CHDH: variants seen among roughly 807,000 people sequenced by gnomAD.
The protein encoded by CHDH is choline dehydrogenase, mitochondrial.
Under a neutral mutation model 56.9 loss-of-function variants are expected in CHDH, and 43 were observed. The observed-to-expected ratio is 0.76, with a 90% CI of 0.59 to 0.97. The LOEUF is 0.97. Among genes scored for constraint, CHDH ranks in the 50% least tolerant of loss-of-function variants. The pLI is 0.00. For synonymous variants in CHDH, 364 were observed against 348.5 expected, an observed-to-expected ratio of 1.04 and a Z score of -0.50; for missense variants, 816 against 821.1, an observed-to-expected ratio of 0.99 and a Z score of 0.08.
chr3:53,838,371 C>T (rs1698570903), intron 2 of CHDH, among the ~76,000 whole-genome samples: 1 of 152,160 alleles, frequency 6.6e-6, no homozygotes, highest in Admixed American at 6.5e-5. Context: ...CAGGCTGGCC[C>T]CTGAGGAAGA....
intron 2 of CHDH, among the ~76,000 whole-genome samples, chr3:53,831,417 G>C (rs931374203): frequency 6.6e-6 from 1 of 152,252 alleles, no homozygotes; most frequent in Non-Finnish European, 1.5e-5. Context: ...TGTGAATACA[G>C]GCGGTAGCCA....
chr3:53,823,142 C>A (rs1658922520), intron 3 of CHDH, among the ~76,000 whole-genome samples, 164 bp downstream of exon 3: 1 of 152,160 alleles, frequency 6.6e-6, no homozygotes, highest in African/African-American at 2.4e-5. Flanking sequence ...GGGTTGTACT[C>A]TTGGAGGGGT....
intron 2 of CHDH, among the ~76,000 whole-genome samples, chr3:53,826,786 T>C (rs2095639819): frequency 6.6e-6 from 1 of 152,158 alleles, no homozygotes; most frequent in South Asian, 2.1e-4. Context: ...AAGGTACAGA[T>C]TGGGAAGGAA....
At chr3:53,832,661 T>G (rs565647501) in intron 2 of CHDH, among the ~76,000 whole-genome samples, 1 of 152,312 alleles carries the variant, frequency 6.6e-6, no homozygotes. Flanking sequence ...TGGCTGGACC[T>G]TGAAAGCATT....
At chr3:53,818,216 G>T in intron 8 of CHDH, 21 bp from the exon 9 acceptor site, 1 of 1,571,818 alleles carries the variant, frequency 6.4e-7, no homozygotes, top group Admixed American at 1.8e-5. Flanking sequence ...GAAGAAACAG[G>T]TGAGGACCCC....
chr3:53,833,362 G>A (rs1698398041), intron 2 of CHDH, among the ~76,000 whole-genome samples: 1 of 152,158 alleles, frequency 6.6e-6, no homozygotes, highest in African/African-American at 2.4e-5. Context: ...ACACAAGGGA[G>A]GGGCCTGCTA....
At position 53,819,216 on chromosome 3, in the gene CHDH, AG is replaced by A. The variant is rs1453775022; in HGVS notation, c.1264-177del. Among the ~76,000 whole-genome samples, 5 of 152,302 alleles carry A rather than the reference AG, an allele frequency of 3.3e-5. No homozygotes were observed. The East Asian group carries it at 9.7e-4, about 29-fold the overall frequency. ...CCACGAGTGATTACAGACCACCTCA[AG>A]GAATCACTCTTTCATCCTGGCCTCA... On this transcript the variant is annotated intron_variant, in intron 7 of 8. Transcript: ENST00000315251. The surrounding 1 kb of genome is among the most constrained non-coding windows in gnomAD (Gnocchi z 5.4).
chr3:53,846,392 C>T lies in CHDH; in HGVS notation c.-440G>A. The T allele has an allele frequency of 3.7e-6, 2 of 533,530 alleles. No individual in the cohort carries two copies. Among genetic ancestry groups the T allele is most frequent in the Non-Finnish European group, 6.3e-6 (2 of 316,300 alleles). 33.0% of individuals were successfully genotyped at this position (533,530 alleles called of 1,614,324 possible). ...GTGCTCCGCCAGCGCTCGGACACGG[C>T]CCATCCCTCCGAGCCCCAGCAGGCG... On this transcript the variant is annotated 5_prime_UTR_variant, in exon 1 of 9. Coordinates refer to ENST00000315251, the MANE Select transcript of CHDH (RefSeq NM_018397.5).
Position 53,816,139 on chromosome 3 carries a change from C to CT in CHDH, c.*1637_*1638insA. On this transcript the variant is annotated 3_prime_UTR_variant, in exon 9 of 9. Coordinates refer to ENST00000315251, the MANE Select transcript of CHDH (RefSeq NM_018397.5). ...TAACTTGTGGCTGTCGGACGCCCCCCCCCCCCGCCCCAGTCTGTAAGCCGC... is the reference window on the plus strand; with the variant it reads ...TAACTTGTGGCTGTCGGACGCCCCCCTCCCCCCGCCCCAGTCTGTAAGCCGC... 8.4e-6 allele frequency: 1 copy of CT among 118,792 alleles called. No homozygotes were observed. Among genetic ancestry groups the CT allele is most frequent in the East Asian group, 2.6e-4 (1 of 3,820 alleles). 7.4% of individuals were successfully genotyped at this position (118,792 alleles called of 1,614,324 possible).
At chr3:53,839,194 G>A (rs1014335142) in intron 2 of CHDH, among the ~76,000 whole-genome samples, 2 of 152,162 alleles carry the variant, frequency 1.3e-5, no homozygotes, top group African/African-American at 4.8e-5. Flanking sequence ...GGGTCTGAAC[G>A]GGAGAATGCA....
intron 2 of CHDH, among the ~76,000 whole-genome samples, chr3:53,826,193 AG>A (rs2095638764): frequency 6.6e-6 from 1 of 152,144 alleles, no homozygotes; most frequent in African/African-American, 2.4e-5. Flanking sequence ...CAACCATTTA[AG>A]GAAGAAATTA....
At chr3:53,832,882 G>A (rs960007236) in intron 2 of CHDH, among the ~76,000 whole-genome samples, 8 of 152,200 alleles carry the variant, frequency 5.3e-5, no homozygotes, top group African/African-American at 1.9e-4. Flanking sequence ...ACAACATTGT[G>A]AATATACTTA....
chr3:53,818,030 T>C lies in CHDH; in HGVS notation c.1532A>G (p.His511Arg). The C allele has an allele frequency of 6.2e-7, 1 of 1,613,870 alleles. No individual in the cohort carries two copies. The highest frequency in any genetic ancestry group is 8.5e-7 in the Non-Finnish European group (1 of 1,179,988). Residue 511 changes from histidine (H) to arginine (R), a missense_variant, in exon 9 of 9, where the codon CAC becomes CGC. His to Arg is a conservative substitution (Grantham distance 29). Coordinates refer to ENST00000315251, the MANE Select transcript of CHDH (RefSeq NM_018397.5). ...FVRAKADSAY[H>R]PSCTCKMGQP... ...GCCCATCTTACAGGTGCACGAGGGG[T>C]GGTAGGCGCTGTCGGCTTTTGCCCG...
chr3:53,838,767 C>T (rs1037266625), intron 2 of CHDH, among the ~76,000 whole-genome samples: 6 of 152,202 alleles, frequency 3.9e-5, no homozygotes, highest in African/African-American at 1.4e-4. Flanking sequence ...ACACAGCAGG[C>T]ACTCAATAAA....
intron 4 of CHDH, 78 bp downstream of exon 4, chr3:53,822,413 C>T: frequency 2.9e-6 from 4 of 1,396,328 alleles, no homozygotes; most frequent in Non-Finnish European, 4.0e-6. Context: ...GAGGGCGTGA[C>T]TCCTGCCCAC....
rs564649668 is a variant in CHDH, at chr3:53,817,405, C to T, written c.*372G>A. ...CTCCGTGGGTCTGGCAGGCACCCAG[C>T]CTCTGTGCATGGCCTGGGAAGGAAC... On this transcript the variant is annotated 3_prime_UTR_variant, in exon 9 of 9. Transcript: ENST00000315251. 3 of 216,690 alleles carry T rather than the reference C, an allele frequency of 1.4e-5. No individual in the cohort carries two copies. The highest frequency in any genetic ancestry group is 1.1e-4 in the South Asian group (1 of 8,952). 13.4% of individuals were successfully genotyped at this position (216,690 alleles called of 1,614,324 possible).
chr3:53,819,176 G>C lies in CHDH; in HGVS notation c.1264-136C>G, dbSNP rs1039595738. On this transcript the variant is annotated intron_variant, in intron 7 of 8. Transcript: ENST00000315251. This position sits in a 1 kb window ranked among gnomAD's most constrained non-coding sequence, Gnocchi z 5.4. Reference sequence around the variant, plus strand: ...AACAGATGCATGTTAGCATTTGCCCGCATGGTACCCACCTCCACGAGTGAT... The same window carrying C: ...AACAGATGCATGTTAGCATTTGCCCCCATGGTACCCACCTCCACGAGTGAT... 1 of 648,178 alleles carries C rather than the reference G, an allele frequency of 1.5e-6. No individual in the cohort carries two copies. Among genetic ancestry groups the C allele is most frequent in the Non-Finnish European group, 2.7e-6 (1 of 372,192 alleles). 40.2% of individuals were successfully genotyped at this position (648,178 alleles called of 1,614,324 possible).
In CHDH at chr3:53,823,374, G is replaced by C; in HGVS notation, c.635C>G (p.Pro212Arg). 4 of 1,605,454 alleles carry C rather than the reference G, an allele frequency of 2.5e-6. No individual in the cohort carries two copies. The highest frequency in any genetic ancestry group is 3.4e-6 in the Non-Finnish European group (4 of 1,175,470). Residue 212 changes from proline (P) to arginine (R), a missense_variant, in exon 3 of 9, where the codon CCG becomes CGG. Transcript: ENST00000315251. ...FLEATQQAGYPLTEDMNGFQQ... is the reference protein window; with the variant it reads ...FLEATQQAGYRLTEDMNGFQQ... Reference sequence around the variant, plus strand: ...GAAGCCATTCATGTCCTCGGTGAGCGGGTAGCCGGCCTGCTGCGTGGCCTC... The same window carrying C: ...GAAGCCATTCATGTCCTCGGTGAGCCGGTAGCCGGCCTGCTGCGTGGCCTC...
chr3:53,820,939 T>C (rs1203496444), intron 5 of CHDH, among the ~76,000 whole-genome samples: 1 of 152,202 alleles, frequency 6.6e-6, no homozygotes, highest in Non-Finnish European at 1.5e-5. Context: ...TGGTGAGCGG[T>C]TGCTGGATGG....
Sources: allele counts gnomAD v4.1 joint callset (sites outside exome capture counted in the v4.1 genomes callset), GRCh38; gene constraint gnomAD v4.1.1; non-coding constraint Gnocchi (gnomAD v3.1); transcripts MANE v1.5; gene names NCBI Gene and HGNC (gene_info 2026-07-23, HGNC 2026-07-21).